The following GRIA2 variants were observed in gnomAD, a reference collection of about 807,000 sequenced individuals.
The protein encoded by GRIA2 is glutamate ionotropic receptor AMPA type subunit 2, also known as glutamate receptor 2.
In GRIA2, 14 loss-of-function variants were observed where a neutral mutation model predicts 97.3. The observed-to-expected ratio is 0.14, with a 90% CI of 0.10 to 0.23. GRIA2 has a LOEUF of 0.23. GRIA2 is among the 10% of genes least tolerant of loss of function. The pLI is 1.00. For missense variants in GRIA2, 558 were observed against 1,069.8 expected, an observed-to-expected ratio of 0.52 and a Z score of 6.67; for synonymous variants, 412 against 387.8, an observed-to-expected ratio of 1.06 and a Z score of -0.73.
intron 2 of GRIA2, among the ~76,000 whole-genome samples, chr4:157,252,133 G>C (rs997418237): frequency 6.6e-6 from 1 of 152,022 alleles, no homozygotes; most frequent in African/African-American, 2.4e-5. Flanking sequence ...AACAGTAAAA[G>C]TTGTAGATTT....
In GRIA2 at chr4:157,312,765, G is replaced by T; in HGVS notation, c.556G>T (p.Asp186Tyr). ...TATCAATGTGGGAAACATTAACAAT[G>T]ACAAGAAAGATGAGATGTACCGATC... ...TAINVGNINN[D>Y]KKDEMYRSLF... Residue 186 changes from aspartate (D) to tyrosine (Y), a missense_variant, in exon 4 of 16, where the codon GAC (aspartate) becomes TAC (tyrosine). This residue lies in a region of GRIA2 where 173 missense variants were observed against 209.1 expected (regional missense o/e 0.83). Coordinates refer to ENST00000264426, the MANE Select transcript of GRIA2 (RefSeq NM_001083619.3). 6.2e-7 allele frequency: 1 copy of T among 1,609,416 alleles called. No homozygotes were observed. Among genetic ancestry groups the T allele is most frequent in the South Asian group, 1.1e-5 (1 of 90,862 alleles).
chr4:157,255,449 A>G (rs2126752599), intron 2 of GRIA2, among the ~76,000 whole-genome samples: 1 of 152,126 alleles, frequency 6.6e-6, no homozygotes, highest in Non-Finnish European at 1.5e-5. Flanking sequence ...ATAAAATCCT[A>G]GTTCTATTTT....
At chr4:157,273,120 TTTA>T (rs1462930963) in intron 2 of GRIA2, among the ~76,000 whole-genome samples, 9 of 152,198 alleles carry the variant, frequency 5.9e-5, no homozygotes, top group Admixed American at 5.2e-4. Context: ...ACATAGCATT[TTTA>T]TTATATTAGT....
intron 12 of GRIA2, among the ~76,000 whole-genome samples, chr4:157,349,490 T>TCCTC (rs1735911899): frequency 7.3e-6 from 1 of 137,522 alleles, no homozygotes; most frequent in African/African-American, 2.7e-5. Flanking sequence ...CTTCCTTCCT[T>TCCTC]CCTTCTTTCG....
intron 2 of GRIA2, among the ~76,000 whole-genome samples, chr4:157,268,282 T>C (rs1197446896): frequency 6.6e-6 from 1 of 152,034 alleles, no homozygotes; most frequent in Non-Finnish European, 1.5e-5. Context: ...GTGTTTCTAG[T>C]ATGGGACTGG....
chr4:157,306,204 C>A (rs1341849322), intron 3 of GRIA2, among the ~76,000 whole-genome samples: 2 of 152,014 alleles, frequency 1.3e-5, no homozygotes, highest in African/African-American at 4.8e-5. Context: ...CCATTGCTCC[C>A]TCTAGTTAAA....
At chr4:157,229,934 T>G (rs1209893777) in intron 2 of GRIA2, among the ~76,000 whole-genome samples, 1 of 152,208 alleles carries the variant, frequency 6.6e-6, no homozygotes, top group Non-Finnish European at 1.5e-5. Flanking sequence ...CTAATCTTCC[T>G]AAGTACCCAA....
intron 2 of GRIA2, among the ~76,000 whole-genome samples, chr4:157,249,016 T>A (rs1730906344): frequency 6.6e-6 from 1 of 151,712 alleles, no homozygotes; most frequent in Non-Finnish European, 1.5e-5. Flanking sequence ...TTTGAAAATG[T>A]TTTGTAAACA....
chr4:157,251,324 G>A (rs1181145273), intron 2 of GRIA2, among the ~76,000 whole-genome samples: 1 of 151,970 alleles, frequency 6.6e-6, no homozygotes, highest in African/African-American at 2.4e-5. Context: ...TGACAGGGTG[G>A]CTTATTATAA....
chr4:157,245,084 A>G (rs1376849814), intron 2 of GRIA2, among the ~76,000 whole-genome samples: 2 of 151,822 alleles, frequency 1.3e-5, no homozygotes, highest in Non-Finnish European at 2.9e-5. Context: ...TCTAATGGAC[A>G]AAAACAGGCA....
intron 12 of GRIA2, among the ~76,000 whole-genome samples, chr4:157,349,305 A>G (rs1735900315): frequency 6.6e-6 from 1 of 151,436 alleles, no homozygotes; most frequent in Non-Finnish European, 1.5e-5. Context: ...ATTTGCAGCC[A>G]TTTTTCCTTT....
chr4:157,243,093 G>A (rs1730577739), intron 2 of GRIA2, among the ~76,000 whole-genome samples: 1 of 152,122 alleles, frequency 6.6e-6, no homozygotes, highest in Non-Finnish European at 1.5e-5. Flanking sequence ...AAGGCAGAGT[G>A]TTGCCTTGTT....
intron 3 of GRIA2, among the ~76,000 whole-genome samples, chr4:157,311,586 T>C (rs1734081528): frequency 6.6e-6 from 1 of 152,064 alleles, no homozygotes; most frequent in South Asian, 2.1e-4. Context: ...TAAAATTTGG[T>C]ATCTGAATTT....
chr4:157,239,929 T>C (rs1229446216), intron 2 of GRIA2, among the ~76,000 whole-genome samples: 1 of 152,096 alleles, frequency 6.6e-6, no homozygotes, highest in Non-Finnish European at 1.5e-5. Context: ...ATTCATGTAT[T>C]CTAGTCTTTC....
At chr4:157,256,199 TAC>T (rs1561013129) in intron 2 of GRIA2, among the ~76,000 whole-genome samples, 4 of 135,290 alleles carry the variant, frequency 3.0e-5, no homozygotes, top group African/African-American at 8.5e-5. Flanking sequence ...TAACATATAT[TAC>T]ATATATATGT....
intron 2 of GRIA2, among the ~76,000 whole-genome samples, chr4:157,257,785 G>A (rs1344624585): frequency 6.6e-6 from 1 of 152,034 alleles, no homozygotes; most frequent in Non-Finnish European, 1.5e-5. Context: ...CAGTATTACT[G>A]ATTCTTTTAA....
chr4:157,245,665 T>G (rs533796349), intron 2 of GRIA2, among the ~76,000 whole-genome samples: 1 of 152,030 alleles, frequency 6.6e-6, no homozygotes, highest in Non-Finnish European at 1.5e-5. Context: ...GGCAATAAAT[T>G]ATCAGTATTT....
chr4:157,258,075 A>G (rs1240709799), intron 2 of GRIA2, among the ~76,000 whole-genome samples: 1 of 151,978 alleles, frequency 6.6e-6, no homozygotes, highest in Non-Finnish European at 1.5e-5. Flanking sequence ...TAAGCTGAGG[A>G]TGTATGTCAC....
intron 1 of GRIA2, 33 bp downstream of exon 1, chr4:157,221,163 T>G (rs1729475048): frequency 9.5e-7 from 1 of 1,051,080 alleles, no homozygotes; most frequent in South Asian, 1.3e-5. Context: ...TTTTGAATTG[T>G]GCATAATTTG....
Sources: gnomAD v4.1 joint callset for allele counts (sites outside exome capture counted in the v4.1 genomes callset) on GRCh38, gnomAD v4.1.1 for gene constraint, gnomAD v4.1.1 regional missense constraint, MANE v1.5 for transcripts, NCBI Gene and HGNC (gene_info 2026-07-23, HGNC 2026-07-21) for gene names.